INTS9: variants seen among roughly 807,000 people sequenced by gnomAD.
The protein encoded by INTS9 is protein related to CPSF subunits of 74 kDa.
In INTS9, 55 loss-of-function variants were observed where a neutral mutation model predicts 79.7. The ratio of observed to expected loss-of-function variants is 0.69; its 90% CI spans 0.56 to 0.86. The LOEUF (loss-of-function observed/expected upper bound fraction) is 0.86, where lower values mean the gene tolerates loss of function less well. INTS9 is among the 40% of genes least tolerant of loss of function. The pLI, the probability that INTS9 is intolerant of heterozygous loss-of-function variation, is 0.00. For missense variants in INTS9, 721 were observed against 831.5 expected, an observed-to-expected ratio of 0.87 and a Z score of 1.64; for synonymous variants, 319 against 325.2, an observed-to-expected ratio of 0.98 and a Z score of 0.20.
rs1275924008 is a variant in INTS9, at chr8:28,880,868, C to G, written c.9+9006G>C. Among the ~76,000 whole-genome samples the G allele has an allele frequency of 2.1e-5, 3 of 146,290 alleles. No individual in the cohort carries two copies. The South Asian group carries it at 6.8e-4, about 33-fold the overall frequency. ...GAAGTGAGGAGCGTCTCTGCCCGGCCGCCCATCGTCTGAGATGTGGGGAGC... is the reference window on the plus strand; with the variant it reads ...GAAGTGAGGAGCGTCTCTGCCCGGCGGCCCATCGTCTGAGATGTGGGGAGC... On this transcript the variant is annotated intron_variant, in intron 1 of 16. Coordinates refer to ENST00000521022, the MANE Select transcript of INTS9 (RefSeq NM_018250.4).
chr8:28,835,160 A>G (rs1406478017), intron 6 of INTS9, 132 bp downstream of exon 6: 3 of 621,408 alleles, frequency 4.8e-6, no homozygotes, highest in Non-Finnish European at 5.5e-6. Flanking sequence ...TAACCCTTTC[A>G]TGTATTAGGA....
chr8:28,880,506 C>CCTCGGCCTCCGCGAGTGATCCGCT (rs1563318025), intron 1 of INTS9, among the ~76,000 whole-genome samples: 27 of 152,066 alleles, frequency 1.8e-4, no homozygotes, highest in African/African-American at 6.5e-4. Context: ...AGTGATCCGC[C>CCTCGGCCTCCGCGAGTGATCCGCT]AGCCTCGGCC....
At chr8:28,785,749 G>C (rs759677923) in intron 11 of INTS9, among the ~76,000 whole-genome samples, 2 of 152,126 alleles carry the variant, frequency 1.3e-5, no homozygotes, top group African/African-American at 2.4e-5. Context: ...TGGAAGATAC[G>C]TATGTGCACA....
intron 8 of INTS9, among the ~76,000 whole-genome samples, chr8:28,808,193 ATTT>A (rs3054473): frequency 1.9e-3 from 244 of 130,900 alleles, no homozygotes; most frequent in Non-Finnish European, 2.1e-3. Flanking sequence ...CTTTATTTAG[ATTT>A]TTTTTTTTTT....
At chr8:28,825,601 C>G (rs1806101052) in intron 6 of INTS9, among the ~76,000 whole-genome samples, 1 of 152,198 alleles carries the variant, frequency 6.6e-6, no homozygotes. Context: ...AGGACAACGT[C>G]CTGTGAAAAT....
At chr8:28,797,587 G>A (rs1226304231) in intron 8 of INTS9, among the ~76,000 whole-genome samples, 1 of 152,144 alleles carries the variant, frequency 6.6e-6, no homozygotes, top group Non-Finnish European at 1.5e-5. Flanking sequence ...ACTCACCACA[G>A]CTTGAATGTA....
rs548025826 is a variant in INTS9 at position 28,780,881 on chromosome 8, G to A, written c.1212C>T (p.Asp404=). The A allele has an allele frequency of 3.3e-5, 54 of 1,614,040 alleles. No homozygotes were observed. In the Admixed American group the frequency reaches 3.5e-4, roughly 10 times the overall value. The part of the protein sequence containing the change: ...FTGHPSLRFG[D]VVHFMELWGK... Reference sequence around the variant, plus strand: ...CCCAGAGCTCCATGAAGTGGACCACGTCCCCGAAGCGGAGGGAAGGGTGCC... The same window carrying A: ...CCCAGAGCTCCATGAAGTGGACCACATCCCCGAAGCGGAGGGAAGGGTGCC... Residue 404 remains aspartate, a synonymous_variant, in exon 12 of 17, where the codon GAC becomes GAT. Coordinates refer to ENST00000521022, the MANE Select transcript of INTS9 (RefSeq NM_018250.4).
intron 6 of INTS9, among the ~76,000 whole-genome samples, chr8:28,820,978 T>A (rs892419208): frequency 2.0e-5 from 3 of 152,176 alleles, no homozygotes; most frequent in African/African-American, 7.2e-5. Flanking sequence ...AAACAATGAC[T>A]AATTTAGTAG....
intron 4 of INTS9, among the ~76,000 whole-genome samples, chr8:28,845,852 C>A (rs1284620882): frequency 6.6e-6 from 1 of 152,050 alleles, no homozygotes; most frequent in Admixed American, 6.6e-5. Flanking sequence ...TTTCTATTTG[C>A]TCTGGTACCC....
chr8:28,803,840 T>C (rs1804658427), intron 8 of INTS9, among the ~76,000 whole-genome samples: 1 of 152,210 alleles, frequency 6.6e-6, no homozygotes, highest in Admixed American at 6.5e-5. Context: ...AATAATATTA[T>C]TTCAAAATAA....
intron 16 of INTS9, among the ~76,000 whole-genome samples, chr8:28,769,277 T>C (rs943035671): frequency 6.6e-6 from 1 of 152,250 alleles, no homozygotes; most frequent in Non-Finnish European, 1.5e-5. Flanking sequence ...AGCAGCAGCA[T>C]GAACAGTATT....
Position 28,790,737 on chromosome 8 carries a change from C to T in INTS9, c.1038-2848G>A, listed in dbSNP as rs139597278. On this transcript the variant is annotated intron_variant, in intron 10 of 16. Transcript: ENST00000521022. The stretch of plus-strand genomic sequence containing the variant: ...GTCCATCCTTTCCCCACTGCCTGTT[C>T]TTCTAACCTCAAATCCTCTCCCCAG... 3.2e-4 allele frequency among the ~76,000 whole-genome samples: 49 copies of T among 152,320 alleles called. 1 individual carries two copies. The East Asian group carries it at 6.8e-3, about 21-fold the overall frequency.
intron 4 of INTS9, among the ~76,000 whole-genome samples, chr8:28,839,319 T>C (rs891660924): frequency 6.6e-6 from 1 of 151,972 alleles, no homozygotes; most frequent in Admixed American, 6.6e-5. Flanking sequence ...GAACATTCCA[T>C]GCTCATGGGT....
intron 11 of INTS9, among the ~76,000 whole-genome samples, chr8:28,781,455 C>T (rs1217128323): frequency 2.0e-5 from 3 of 152,166 alleles, no homozygotes; most frequent in Admixed American, 6.5e-5. Context: ...CAAAAGGATA[C>T]AGCCACTTTG....
chr8:28,787,933 C>T (rs373334741), intron 10 of INTS9, 44 bp from the exon 11 acceptor site: 20 of 1,434,766 alleles, frequency 1.4e-5, no homozygotes, highest in African/African-American at 7.0e-5. Context: ...GAAGAGCATA[C>T]GGTGGCATCT....
intron 11 of INTS9, chr8:28,783,761 TAGTCTGC>T (rs1397367936): frequency 1.3e-5 from 2 of 152,214 alleles, no homozygotes; most frequent in Non-Finnish European, 2.9e-5. Context: ...TCCTTCCAGG[TAGTCTGC>T]AAGTTGAACT....
chr8:28,773,592 C>T (rs1466411693), intron 14 of INTS9, among the ~76,000 whole-genome samples: 4 of 149,620 alleles, frequency 2.7e-5, no homozygotes, highest in Non-Finnish European at 5.9e-5. Context: ...CGCTATGTTG[C>T]CCAAGCTGGA....
intron 13 of INTS9, among the ~76,000 whole-genome samples, chr8:28,777,044 C>T (rs1040285484): frequency 2.6e-5 from 4 of 152,090 alleles, no homozygotes; most frequent in African/African-American, 9.7e-5. Context: ...CACCAGAATC[C>T]GCTCTTGGGG....
In INTS9 at chr8:28,860,286, G is replaced by T. The variant is rs562034773; in HGVS notation, c.10-723C>A. On this transcript the variant is annotated intron_variant, in intron 1 of 16. Coordinates refer to ENST00000521022, the MANE Select transcript of INTS9 (RefSeq NM_018250.4). ...TCATGTTCTCCTCAATGTTGTGGCA[G>T]TGACAGATCTGCCACACTGAAAATA... 5.3e-5 allele frequency among the ~76,000 whole-genome samples: 8 copies of T among 152,296 alleles called. No homozygotes were observed. In the South Asian group the frequency reaches 1.7e-3, roughly 32 times the overall value.
Sources: allele counts gnomAD v4.1 joint callset (sites outside exome capture counted in the v4.1 genomes callset), GRCh38; gene constraint gnomAD v4.1.1; transcripts MANE v1.5; gene names NCBI Gene and HGNC (gene_info 2026-07-23, HGNC 2026-07-21).